ELP4: variants seen among roughly 807,000 people sequenced by gnomAD.
ELP4 encodes the protein elongator complex protein 4.
Under a neutral mutation model 48.9 loss-of-function variants are expected in ELP4, and 51 were observed. That is an observed-to-expected ratio of 1.04 (90% CI 0.83 to 1.32). The LOEUF (loss-of-function observed/expected upper bound fraction) is 1.32. ELP4 is among the 40% of genes most tolerant of loss of function. The pLI is 0.00. For synonymous variants in ELP4, 210 were observed against 189.2 expected (o/e 1.11, Z -0.90); for missense variants, 519 against 514.6 (o/e 1.01, Z -0.08).
At chr11:31,746,041 A>C (rs565194748) in intron 9 of ELP4, among the ~76,000 whole-genome samples, 2 of 152,338 alleles carry the variant, frequency 1.3e-5, no homozygotes, top group African/African-American at 2.4e-5. Flanking sequence ...AAACAAATTT[A>C]CAAGAAAAAA....
At chr11:31,569,232 C>G (rs1476403246) in intron 3 of ELP4, among the ~76,000 whole-genome samples, 1 of 152,058 alleles carries the variant, frequency 6.6e-6, no homozygotes, top group African/African-American at 2.4e-5. Flanking sequence ...GCATTTGCAA[C>G]AAAAAGAAAA....
chr11:31,584,215 T>C (rs183801541), intron 3 of ELP4, among the ~76,000 whole-genome samples: 187 of 152,066 alleles, frequency 1.2e-3, no homozygotes, highest in African/African-American at 4.4e-3. Flanking sequence ...AATATTTTAT[T>C]AAAATACTTG....
At chr11:31,607,644 GCA>G (rs530083872) in intron 5 of ELP4, among the ~76,000 whole-genome samples, 206 of 152,242 alleles carry the variant, frequency 1.4e-3, no homozygotes, top group African/African-American at 4.6e-3. Flanking sequence ...TCAAACTATT[GCA>G]CAGACTGATC....
chr11:31,556,201 A>G (rs1381320534), intron 3 of ELP4, among the ~76,000 whole-genome samples: 1 of 151,912 alleles, frequency 6.6e-6, no homozygotes, highest in African/African-American at 2.4e-5. Context: ...ATTAAGATGT[A>G]ATGGTGAAAA....
intron 5 of ELP4, among the ~76,000 whole-genome samples, chr11:31,625,214 G>C (rs1174077478): frequency 6.6e-6 from 1 of 151,656 alleles, no homozygotes; most frequent in Non-Finnish European, 1.5e-5. Flanking sequence ...ATCACTAGAT[G>C]ATGGGAATTT....
At chr11:31,541,687 A>G (rs1956593258) in intron 3 of ELP4, among the ~76,000 whole-genome samples, 1 of 152,226 alleles carries the variant, frequency 6.6e-6, no homozygotes, top group Non-Finnish European at 1.5e-5. Context: ...AGTTTGCTTT[A>G]GAGAACACAT....
At chr11:31,742,704 A>G (rs1016500832) in intron 9 of ELP4, among the ~76,000 whole-genome samples, 1 of 152,206 alleles carries the variant, frequency 6.6e-6, no homozygotes, top group Admixed American at 6.5e-5. Flanking sequence ...AAATGCTGAG[A>G]GATTTTGTCA....
chr11:31,605,052 A>T (rs1173492912), intron 5 of ELP4, among the ~76,000 whole-genome samples: 1 of 152,020 alleles, frequency 6.6e-6, no homozygotes, highest in Non-Finnish European at 1.5e-5. Flanking sequence ...CTGAGTTTTA[A>T]TTATTAAGTG....
intron 4 of ELP4, among the ~76,000 whole-genome samples, chr11:31,602,063 G>A (rs1461600982): frequency 1.3e-5 from 2 of 151,722 alleles, no homozygotes; most frequent in Admixed American, 1.3e-4. Flanking sequence ...TTTCTTTTTT[G>A]CTGTCTTTAC....
intron 9 of ELP4, among the ~76,000 whole-genome samples, chr11:31,692,401 G>C (rs1239935692): frequency 6.6e-6 from 1 of 152,148 alleles, no homozygotes; most frequent in Non-Finnish European, 1.5e-5. Context: ...TCTAGTGATA[G>C]AATGTTTTCC....
chr11:31,613,649 A>G (rs1163202426), intron 5 of ELP4, among the ~76,000 whole-genome samples: 2 of 151,494 alleles, frequency 1.3e-5, no homozygotes, highest in East Asian at 1.9e-4. Context: ...TGGATTCCGG[A>G]TAAGTTTTTT....
chr11:31,712,651 T>G (rs1056402771), intron 9 of ELP4, among the ~76,000 whole-genome samples: 3 of 152,152 alleles, frequency 2.0e-5, no homozygotes, highest in Non-Finnish European at 4.4e-5. Context: ...TGGTTAGAAT[T>G]TAATCTTTGA....
At chr11:31,718,473 G>A (rs1227997166) in intron 9 of ELP4, among the ~76,000 whole-genome samples, 1 of 152,194 alleles carries the variant, frequency 6.6e-6, no homozygotes, top group Non-Finnish European at 1.5e-5. Flanking sequence ...TTGTGGGTCA[G>A]GAACTTGTAT....
chr11:31,692,125 AT>A lies in ELP4; in HGVS notation c.1143+41905del, dbSNP rs1946294714. 2.0e-5 allele frequency among the ~76,000 whole-genome samples: 3 copies of A among 152,174 alleles called. No homozygotes were observed. The South Asian group carries it at 6.2e-4, about 32-fold the overall frequency. On this transcript the variant is annotated intron_variant, in intron 9 of 9. Transcript: ENST00000640961. ...AGAAGTCCAATAAAGAAATCTAACA[AT>A]ACTGGAGCTGCTCTGGTTGAATTGG...
At chr11:31,703,589 C>T (rs775144036) in intron 9 of ELP4, among the ~76,000 whole-genome samples, 1 of 152,124 alleles carries the variant, frequency 6.6e-6, no homozygotes, top group Non-Finnish European at 1.5e-5. Flanking sequence ...AAAAGATTGT[C>T]GCCTAAATCT....
At chr11:31,779,407 G>GA (rs1295255806) in intron 9 of ELP4, among the ~76,000 whole-genome samples, 2 of 152,216 alleles carry the variant, frequency 1.3e-5, no homozygotes, top group Non-Finnish European at 2.9e-5. Flanking sequence ...ACGGAATTAG[G>GA]AAGGGAACTG....
intron 9 of ELP4, 54 bp from the exon 10 acceptor site, chr11:31,783,335 AAATT>A: frequency 6.5e-7 from 1 of 1,545,002 alleles, no homozygotes; most frequent in East Asian, 2.3e-5. Context: ...AGCCAAAGCA[AAATT>A]AATTTTTTTT....
chr11:31,610,346 GT>G (rs1957955299), intron 5 of ELP4, among the ~76,000 whole-genome samples: 1 of 129,320 alleles, frequency 7.7e-6, no homozygotes, highest in Non-Finnish European at 1.8e-5. Flanking sequence ...GTTTTGTTTT[GT>G]TTTTTAACTT....
intron 9 of ELP4, among the ~76,000 whole-genome samples, chr11:31,730,964 GCTC>G (rs1947172876): frequency 6.6e-6 from 1 of 151,166 alleles, no homozygotes; most frequent in South Asian, 2.1e-4. Flanking sequence ...GAGATTACAA[GCTC>G]CTGAAAAAAA....
Sources: gnomAD v4.1 joint callset for allele counts (sites outside exome capture counted in the v4.1 genomes callset) on GRCh38, gnomAD v4.1.1 for gene constraint, MANE v1.5 for transcripts, NCBI Gene and HGNC (gene_info 2026-07-23, HGNC 2026-07-21) for gene names.